The following FLT4 variants were observed in gnomAD, a reference collection of about 807,000 sequenced individuals.
FLT4 encodes the protein vascular endothelial growth factor receptor 3.
In FLT4, 30 loss-of-function variants were observed where a neutral mutation model predicts 163.2. The ratio of observed to expected loss-of-function variants is 0.18; its 90% CI spans 0.14 to 0.25. The LOEUF is 0.25. FLT4 is among the 10% of genes least tolerant of loss of function. The pLI, the probability that FLT4 is intolerant of heterozygous loss-of-function variation, is 1.00. For synonymous variants in FLT4, 884 were observed against 789.5 expected (o/e 1.12, Z -2.01); for missense variants, 1,510 against 1,863.8 (o/e 0.81, Z 3.50).
At chr5:180,609,337 A>G in intron 28 of FLT4, 1 of 525,872 alleles carries the variant, frequency 1.9e-6, no homozygotes, top group East Asian at 3.2e-5. Flanking sequence ...GTGTGTGAAG[A>G]GCAGGAGCCG....
Position 180,620,221 on chromosome 5 carries a change from A to T in FLT4, c.2494T>A (p.Ser832Thr). The T allele has an allele frequency of 6.2e-7, 1 of 1,611,424 alleles. No individual in the cohort carries two copies. The highest frequency in any genetic ancestry group is 8.5e-7 in the Non-Finnish European group (1 of 1,179,946). Residue 832 changes from serine to threonine, a missense_variant, in exon 17 of 30, where the codon TCC (serine) becomes ACC (threonine). This residue lies in a region of FLT4 where 878 missense variants were observed against 1,016.7 expected (regional missense o/e 0.86). Transcript: ENST00000261937. This position sits in a 1 kb window ranked among gnomAD's most constrained non-coding sequence, Gnocchi z 4.4. Reference sequence around the variant, plus strand: ...AATTCCCACTGGCTGGCATCGTAGGACAGGTATTCGCATTGCTCCTCCAGA... The same window carrying T: ...AATTCCCACTGGCTGGCATCGTAGGTCAGGTATTCGCATTGCTCCTCCAGA... ...VPLEEQCEYL[S>T]YDASQWEFPR...
In FLT4 at chr5:180,630,744, C is replaced by T. The variant is rs138831198; in HGVS notation, c.211G>A (p.Gly71Arg). Residue 71 changes from glycine (G) to arginine (R), a missense_variant, in exon 3 of 30, where the codon GGA becomes AGA. By Grantham distance (125) the Gly-to-Arg change is moderately radical. This residue lies in a region of FLT4 where 157 missense variants were observed against 178.7 expected (regional missense o/e 0.88). Transcript: ENST00000261937. This position sits in a 1 kb window ranked among gnomAD's most constrained non-coding sequence, Gnocchi z 6.3. ...WPGAQEAPAT[G>R]DKDSEDTGVV... ...CCCGTGTCCTCGCTGTCCTTGTCTC[C>T]GGTGGCTGGCGCCTCCTGAGCTCCT... is the stretch of plus-strand genomic sequence containing the variant. The T allele has an allele frequency of 1.3e-4, 212 of 1,609,992 alleles. 1 individual carries two copies. The African/African-American group carries it at 1.7e-3, about 13-fold the overall frequency.
chr5:180,649,094 G>A (rs1273650842), intron 1 of FLT4, among the ~76,000 whole-genome samples: 1 of 151,862 alleles, frequency 6.6e-6, no homozygotes, highest in African/African-American at 2.4e-5. Context: ...GATCTCCGGC[G>A]CGCGTGGGTC....
intron 23 of FLT4, 133 bp downstream of exon 23, chr5:180,616,234 G>T: frequency 7.8e-7 from 1 of 1,276,408 alleles, no homozygotes; most frequent in Non-Finnish European, 1.1e-6. Context: ...ACCAGCAGCT[G>T]GGCACATGGC....
intron 1 of FLT4, among the ~76,000 whole-genome samples, chr5:180,633,174 G>A (rs562159105): frequency 7.7e-4 from 117 of 152,248 alleles, no homozygotes; most frequent in African/African-American, 2.6e-3. Context: ...ATCTCATTTC[G>A]GCCTCACACG....
intron 11 of FLT4, 72 bp from the exon 12 acceptor site, chr5:180,622,911 G>T: frequency 9.9e-7 from 1 of 1,009,318 alleles, no homozygotes; most frequent in Non-Finnish European, 1.5e-6. Flanking sequence ...CTTTCTGCAA[G>T]GAGGTCGCTG....
intron 1 of FLT4, among the ~76,000 whole-genome samples, chr5:180,646,447 A>G (rs1765496741): frequency 6.6e-6 from 1 of 152,126 alleles, no homozygotes; most frequent in Admixed American, 6.6e-5. Context: ...CCACTTGGCC[A>G]CATTCACCAT....
chr5:180,629,868 T>C (rs765770118), intron 5 of FLT4, 33 bp from the exon 6 acceptor site: 11 of 1,612,412 alleles, frequency 6.8e-6, no homozygotes, highest in Non-Finnish European at 9.3e-6. Context: ...TCCCACGCCC[T>C]CACAGGACGA....
chr5:180,618,703 G>GGA (rs1762866545), intron 21 of FLT4, 67 bp downstream of exon 21: 19 of 770,510 alleles, frequency 2.5e-5, no homozygotes, highest in Non-Finnish European at 3.6e-5. Flanking sequence ...CCAGGCTGGG[G>GGA]TGCCTGATCA....
rs10069944 is a variant in FLT4 at position 180,636,823 on chromosome 5, T to C, written c.59-5045A>G. Reference sequence around the variant, plus strand: ...CCCCCACTGCTTCCTCCCCACCCCTTGGTGCCCTCCCGGTGCTGCCCCGTC... The same window carrying C: ...CCCCCACTGCTTCCTCCCCACCCCTCGGTGCCCTCCCGGTGCTGCCCCGTC... On this transcript the variant is annotated intron_variant, in intron 1 of 29. Coordinates refer to ENST00000261937, the MANE Select transcript of FLT4 (RefSeq NM_182925.5). This position sits in a 1 kb window ranked among gnomAD's most constrained non-coding sequence, Gnocchi z 4.3. 0.85 allele frequency among the ~76,000 whole-genome samples: 128,363 copies of C among 151,802 alleles called. 54,965 individuals carry two copies. The highest frequency in any genetic ancestry group is 0.98 in the East Asian group (5,031 of 5,134).
chr5:180,618,697 G>A, intron 21 of FLT4, 73 bp downstream of exon 21: 1 of 323,956 alleles, frequency 3.1e-6, no homozygotes. Context: ...AGGACCCCAG[G>A]CTGGGGTGCC....
chr5:180,608,164 G>T lies in FLT4; in HGVS notation c.3893+804C>A, dbSNP rs1400276752. On this transcript the variant is annotated intron_variant, in intron 29 of 29. Transcript: ENST00000261937. ...CCTCTTGTCCTCCTGGTTCCTCTTT[G>T]AAGTTTGTAGTAGATAGCAGTAGAA... 4 of 700,190 alleles carry T rather than the reference G, an allele frequency of 5.7e-6. No homozygotes were observed. The African/African-American group carries it at 7.0e-5, about 12-fold the overall frequency. 43.4% of individuals were successfully genotyped at this position (700,190 alleles called of 1,614,324 possible). A position where few individuals can be genotyped will look rare whatever the true frequency, so the allele number is the denominator to read the frequency against.
chr5:180,613,012 T>C lies in FLT4; in HGVS notation c.3430A>G (p.Ile1144Val), dbSNP rs1408330513. 1.2e-6 allele frequency: 2 copies of C among 1,611,144 alleles called. No homozygotes were observed. The highest frequency in any genetic ancestry group is 1.7e-5 in the Admixed American group (1 of 59,852). Residue 1144 changes from isoleucine (I) to valine (V), a missense_variant and splice_region_variant, in exon 25 of 30, where the codon ATA (isoleucine) becomes GTA (valine). Transcript: ENST00000261937. Reference protein sequence around the residue: ...MRAPELATPAIRRIMLNCWSG... With the variant: ...MRAPELATPAVRRIMLNCWSG... The stretch of plus-strand genomic sequence containing the variant: ...CTGCAGGGCCATGGGGAGGCTCACA[T>C]GGCGGGAGTGGCCAGCTCCGGGGCC...
chr5:180,644,328 A>G (rs1378513762), intron 1 of FLT4, among the ~76,000 whole-genome samples: 2 of 152,230 alleles, frequency 1.3e-5, no homozygotes, highest in East Asian at 3.8e-4. Flanking sequence ...ACGGAGGGGC[A>G]CGCCGGGCGT....
intron 18 of FLT4, 56 bp downstream of exon 18, chr5:180,619,609 C>T: frequency 2.1e-6 from 3 of 1,404,552 alleles, no homozygotes; most frequent in Non-Finnish European, 3.0e-6. Flanking sequence ...ACCGGCCCAC[C>T]CCGAGCTGCT....
At chr5:180,605,265 ATCT>A (rs1299688218) in intron 29 of FLT4, among the ~76,000 whole-genome samples, 1 of 152,156 alleles carries the variant, frequency 6.6e-6, no homozygotes, top group Non-Finnish European at 1.5e-5. Flanking sequence ...GCCTGGCCGA[ATCT>A]ATCTTTTATT....
chr5:180,616,361 A>G lies in FLT4; in HGVS notation c.3219+6T>C. 1.3e-5 allele frequency: 21 copies of G among 1,613,846 alleles called. No individual in the cohort carries two copies. The highest frequency in any genetic ancestry group is 1.7e-5 in the Non-Finnish European group (20 of 1,179,982). Reference sequence around the variant, plus strand: ...ACGTTCCCTCTCCTCAATGGCCTGCACTCACACTGCCCTTGCGGACGTAGT... The same window carrying G: ...ACGTTCCCTCTCCTCAATGGCCTGCGCTCACACTGCCCTTGCGGACGTAGT... On this transcript the variant is annotated splice_donor_region_variant and intron_variant, in intron 23 of 29. Transcript: ENST00000261937.
rs10061500 is a variant in FLT4, at chr5:180,619,885, G to A, written c.2543-116C>T. Reference sequence around the variant, plus strand: ...GAGGACAGGCCTGGCAGCAGGAGGAGCGTGGGGAGCCACAGCGGGAAGACA... The same window carrying A: ...GAGGACAGGCCTGGCAGCAGGAGGAACGTGGGGAGCCACAGCGGGAAGACA... On this transcript the variant is annotated intron_variant, in intron 17 of 29. Transcript: ENST00000261937. 0.067 allele frequency: 51,903 copies of A among 774,704 alleles called. 2,308 individuals carry two copies. The highest frequency in any genetic ancestry group is 0.19 in the East Asian group (7,209 of 38,902). 48.0% of individuals were successfully genotyped at this position (774,704 alleles called of 1,614,324 possible). A position where few individuals can be genotyped will look rare whatever the true frequency, so the allele number is the denominator to read the frequency against.
Position 180,609,133 on chromosome 5 carries a change from C to T in FLT4, c.3808-80G>A, listed in dbSNP as rs541990168. The T allele has an allele frequency of 8.5e-5, 102 of 1,193,516 alleles. 2 individuals are homozygous for T. In the South Asian group the frequency reaches 9.0e-4, roughly 10 times the overall value. The allele number at this position is 1,193,516 out of a possible 1,614,324, so 73.9% of individuals were successfully genotyped here. The stretch of plus-strand genomic sequence containing the variant: ...GCAGCCACCCCCAGCCAGGAAAGTG[C>T]GGCATGGTCCTGCAGCGCGGCTGAC... On this transcript the variant is annotated intron_variant, in intron 28 of 29. Transcript: ENST00000261937.
Sources: gnomAD v4.1 joint callset for allele counts (sites outside exome capture counted in the v4.1 genomes callset) on GRCh38, gnomAD v4.1.1 for gene constraint, gnomAD v4.1.1 regional missense constraint, Gnocchi (gnomAD v3.1) non-coding constraint, MANE v1.5 for transcripts, NCBI Gene and HGNC (gene_info 2026-07-23, HGNC 2026-07-21) for gene names.